The following TMEM33 variants were observed in gnomAD, a reference collection of about 807,000 sequenced individuals.
TMEM33 encodes the protein transmembrane protein 33.
In TMEM33, 16 loss-of-function variants were observed where a neutral mutation model predicts 29.7. That is an observed-to-expected ratio of 0.54 (90% CI 0.36 to 0.82). The LOEUF (loss-of-function observed/expected upper bound fraction) is 0.82. Among genes scored for constraint, TMEM33 ranks in the 40% least tolerant of loss-of-function variants. TMEM33 has a pLI of 0.00. For synonymous variants in TMEM33, 112 were observed against 109.4 expected (o/e 1.02, Z -0.15); for missense variants, 252 against 295.3 (o/e 0.85, Z 1.08).
At chr4:41,939,147 A>C (rs370734247) in intron 2 of TMEM33, 49 bp from the exon 3 acceptor site, 6 of 1,486,622 alleles carry the variant, frequency 4.0e-6, no homozygotes, top group African/African-American at 2.9e-5. Flanking sequence ...AGGAAGAGAC[A>C]CTGCAGTTGT....
intron 5 of TMEM33, 117 bp downstream of exon 5, chr4:41,945,043 T>G (rs1712722940): frequency 3.0e-6 from 4 of 1,313,640 alleles, no homozygotes; most frequent in Non-Finnish European, 4.1e-6. Context: ...TAGAGCTAAA[T>G]GAATCTTAGC....
chr4:41,944,670 A>G, intron 4 of TMEM33, 123 bp from the exon 5 acceptor site: 4 of 1,112,390 alleles, frequency 3.6e-6, no homozygotes, highest in Non-Finnish European at 3.8e-6. Flanking sequence ...ACTTCGTACC[A>G]TCATTTCCAA....
chr4:41,947,302 T>G (rs981019996), intron 5 of TMEM33, among the ~76,000 whole-genome samples: 1 of 152,062 alleles, frequency 6.6e-6, no homozygotes, highest in African/African-American at 2.4e-5. Context: ...GTCTATATCC[T>G]GAAACCTCCA....
rs1490998047 is a variant in TMEM33, at chr4:41,954,247, C to A, written c.*48C>A. The A allele has an allele frequency of 6.3e-7, 1 of 1,589,670 alleles. No homozygotes were observed. Among genetic ancestry groups the A allele is most frequent in the East Asian group, 2.3e-5 (1 of 44,388 alleles). On this transcript the variant is annotated 3_prime_UTR_variant, in exon 7 of 7. Transcript: ENST00000504986. ...AATATAGTATAAGCATTATTAGCAGCTGGTACTTCTGCTAGGGGTTGTAAA... is the reference window on the plus strand; with the variant it reads ...AATATAGTATAAGCATTATTAGCAGATGGTACTTCTGCTAGGGGTTGTAAA...
At chr4:41,945,973 C>CAAAAAA (rs35896467) in intron 5 of TMEM33, among the ~76,000 whole-genome samples, 18 of 75,834 alleles carry the variant, frequency 2.4e-4, no homozygotes, top group Non-Finnish European at 4.3e-4. Flanking sequence ...TCTGTCTCAC[C>CAAAAAA]AAAAAAAAAA....
Position 41,939,255 on chromosome 4 carries a change from C to T in TMEM33, c.200C>T (p.Ala67Val), listed in dbSNP as rs1712400044. The change falls in exon 3 of 7, where the codon GCT becomes GTT. Residue 67 changes from alanine to valine, a missense_variant. By Grantham distance (64) the Ala-to-Val change is moderately conservative. Coordinates refer to ENST00000504986, the MANE Select transcript of TMEM33 (RefSeq NM_018126.3). ...TTGCTGGCAAATGCTCTTACCAGTG[C>T]TCTGAGGCTGCATCAAAGATTACCA... ...RALLANALTS[A>V]LRLHQRLPHF... The T allele has an allele frequency of 1.7e-5, 27 of 1,613,080 alleles. No homozygotes were observed. Among genetic ancestry groups the T allele is most frequent in the Non-Finnish European group, 2.1e-5 (25 of 1,179,822 alleles).
Position 41,947,316 on chromosome 4 carries a change from T to A in TMEM33, c.531-1986T>A, listed in dbSNP as rs139550971. On this transcript the variant is annotated intron_variant, in intron 5 of 6. Coordinates refer to ENST00000504986, the MANE Select transcript of TMEM33 (RefSeq NM_018126.3). ...TGTCTATATCCTGAAACCTCCAGAT[T>A]CTGTTTAGTAAGCAAAATAATTTCT... Among the ~76,000 whole-genome samples the A allele has an allele frequency of 1.8e-4, 27 of 152,244 alleles. No homozygotes were observed. The East Asian group carries it at 1.9e-3, about 11-fold the overall frequency.
At chr4:41,942,950 A>G (rs1712607620) in intron 3 of TMEM33, among the ~76,000 whole-genome samples, 1 of 152,236 alleles carries the variant, frequency 6.6e-6, no homozygotes, top group African/African-American at 2.4e-5. Context: ...GAAAGAAGTA[A>G]TAAAAGATCT....
At position 41,954,426 on chromosome 4, in the gene TMEM33, T is replaced by C; in HGVS notation, c.*227T>C. 3.0e-6 allele frequency: 1 copy of C among 338,858 alleles called. No homozygotes were observed. Among genetic ancestry groups the C allele is most frequent in the South Asian group, 6.6e-5 (1 of 15,208 alleles). 21.0% of individuals were successfully genotyped at this position (338,858 alleles called of 1,614,324 possible). The stretch of plus-strand genomic sequence containing the variant: ...TGTTGCTAATGGTTAAAGAAGTCTG[T>C]ATCTAGTGATAAATATACCAGTTTT... On this transcript the variant is annotated 3_prime_UTR_variant, in exon 7 of 7. Coordinates refer to ENST00000504986, the MANE Select transcript of TMEM33 (RefSeq NM_018126.3).
chr4:41,935,638 A>G, intron 1 of TMEM33, 109 bp downstream of exon 1: 1 of 1,134,682 alleles, frequency 8.8e-7, no homozygotes, highest in Admixed American at 2.2e-5. Flanking sequence ...CAGGAATGGG[A>G]TTAATGAGTT....
At chr4:41,947,374 T>C (rs1577652771) in intron 5 of TMEM33, among the ~76,000 whole-genome samples, 2 of 152,314 alleles carry the variant, frequency 1.3e-5, no homozygotes, top group Admixed American at 6.5e-5. Flanking sequence ...AAAATAATTT[T>C]AATGAAATTC....
At chr4:41,949,280 C>T (rs757266385) in intron 5 of TMEM33, 22 bp from the exon 6 acceptor site, 78 of 1,533,972 alleles carry the variant, frequency 5.1e-5, no homozygotes, top group Admixed American at 2.3e-4. Context: ...ATATTTATCA[C>T]GCTTGTATTT....
In TMEM33 at chr4:41,959,533, T is replaced by C. The variant is rs1165539281; in HGVS notation, c.*5334T>C. Reference sequence around the variant, plus strand: ...TTAGCTCATATTCCATGAGAAAGAGTGGCCTAAGAATTATTTCATGTTACC... The same window carrying C: ...TTAGCTCATATTCCATGAGAAAGAGCGGCCTAAGAATTATTTCATGTTACC... On this transcript the variant is annotated 3_prime_UTR_variant, in exon 7 of 7. Coordinates refer to ENST00000504986, the MANE Select transcript of TMEM33 (RefSeq NM_018126.3). 1 of 152,172 alleles carries C rather than the reference T, an allele frequency of 6.6e-6. No individual in the cohort carries two copies. Among genetic ancestry groups the C allele is most frequent in the African/African-American group, 2.4e-5 (1 of 41,444 alleles). The allele number at this position is 152,172 out of a possible 1,614,324, so 9.4% of individuals were successfully genotyped here. A position where few individuals can be genotyped will look rare whatever the true frequency, so the allele number is the denominator to read the frequency against.
At chr4:41,935,409 C>T, upstream of TMEM33, 1 of 1,485,400 alleles carries the variant, frequency 6.7e-7, no homozygotes, top group Non-Finnish European at 9.2e-7. Flanking sequence ...CGGGTCCTGG[C>T]CCCAGCGCTG....
At chr4:41,948,152 G>A (rs979973406) in intron 5 of TMEM33, among the ~76,000 whole-genome samples, 2 of 152,114 alleles carry the variant, frequency 1.3e-5, no homozygotes, top group Non-Finnish European at 2.9e-5. Context: ...AGTTTTTTGG[G>A]AATGATAAAC....
At chr4:41,940,819 A>C in intron 3 of TMEM33, among the ~76,000 whole-genome samples, 1 of 151,688 alleles carries the variant, frequency 6.6e-6, no homozygotes, top group Admixed American at 6.6e-5. Context: ...AAAAAAAAAA[A>C]AAAAAAAAAA....
At chr4:41,943,617 A>G (rs1447565592) in intron 3 of TMEM33, 130 bp from the exon 4 acceptor site, 2 of 714,024 alleles carry the variant, frequency 2.8e-6, no homozygotes, top group Admixed American at 2.8e-5. Context: ...AAAGTGTATC[A>G]GTAAAACAAG....
In TMEM33 at chr4:41,956,533, TG is replaced by T. The variant is rs1209162540; in HGVS notation, c.*2335del. ...AAATCATGATTGTCTTTTAAAGATCTGTGTGTCTCTGTTTTGAGTTTTTCCT... is the reference window on the plus strand; with the variant it reads ...AAATCATGATTGTCTTTTAAAGATCTTGTGTCTCTGTTTTGAGTTTTTCCT... On this transcript the variant is annotated 3_prime_UTR_variant, in exon 7 of 7. Coordinates refer to ENST00000504986, the MANE Select transcript of TMEM33 (RefSeq NM_018126.3). 1.3e-5 allele frequency: 2 copies of T among 152,196 alleles called. No individual in the cohort carries two copies. Among genetic ancestry groups the T allele is most frequent in the East Asian group, 3.9e-4 (2 of 5,190 alleles). 9.4% of individuals were successfully genotyped at this position (152,196 alleles called of 1,614,324 possible). A position where few individuals can be genotyped will look rare whatever the true frequency, so the allele number is the denominator to read the frequency against.
chr4:41,943,890 T>C, intron 4 of TMEM33, 76 bp downstream of exon 4: 10 of 1,417,282 alleles, frequency 7.1e-6, no homozygotes, highest in Non-Finnish European at 9.9e-6. Flanking sequence ...GACATTTTGG[T>C]ATTTGTCACA....
Sources: gnomAD v4.1 joint callset for allele counts (sites outside exome capture counted in the v4.1 genomes callset) on GRCh38, gnomAD v4.1.1 for gene constraint, MANE v1.5 for transcripts, NCBI Gene and HGNC (gene_info 2026-07-23, HGNC 2026-07-21) for gene names.